ABL2: variants seen among roughly 807,000 people sequenced by gnomAD.
ABL2 encodes tyrosine-protein kinase ABL2.
In ABL2, 49 loss-of-function variants were observed where a neutral mutation model predicts 107.7. The observed-to-expected ratio is 0.45, with a 90% confidence interval of 0.36 to 0.58. The LOEUF (loss-of-function observed/expected upper bound fraction) is 0.58. ABL2 is among the 20% of genes least tolerant of loss of function. The probability of loss-of-function intolerance (pLI) is 0.00; values close to 1 mark genes in which losing one functional copy is unlikely to be tolerated. For missense variants in ABL2, 1,245 were observed against 1,457.0 expected (o/e 0.85, Z 2.37); for synonymous variants, 549 against 548.6 (o/e 1.00, Z -0.01).
intron 1 of ABL2, among the ~76,000 whole-genome samples, chr1:179,148,717 T>C (rs1658175602): frequency 6.6e-6 from 1 of 152,008 alleles, no homozygotes; most frequent in Non-Finnish European, 1.5e-5. Context: ...CTCGCCAACA[T>C]GGTGAAACCC....
intron 1 of ABL2, among the ~76,000 whole-genome samples, chr1:179,158,842 T>C (rs1658868312): frequency 6.6e-6 from 1 of 152,220 alleles, no homozygotes; most frequent in African/African-American, 2.4e-5. Flanking sequence ...TGGAAATCAA[T>C]ATATAATACA....
At chr1:179,202,903 A>G (rs28991604) in intron 1 of ABL2, among the ~76,000 whole-genome samples, 3 of 152,350 alleles carry the variant, frequency 2.0e-5, no homozygotes, top group Non-Finnish European at 4.4e-5. Context: ...TTCTCCTTCA[A>G]TTTAAGATCT....
chr1:179,113,315 A>T (rs1654287498), intron 9 of ABL2, among the ~76,000 whole-genome samples: 1 of 152,252 alleles, frequency 6.6e-6, no homozygotes, highest in Non-Finnish European at 1.5e-5. Flanking sequence ...GAAAATGGCA[A>T]GTTTTCTTCC....
rs116337633 is a variant in ABL2 at position 179,156,577 on chromosome 1, T to G, written c.158-23203A>C. ...GAAATTTTTCATTACATACCTTAGTTAATAAAACTTTACTAGGCCTGGCAT... is the reference window on the plus strand; with the variant it reads ...GAAATTTTTCATTACATACCTTAGTGAATAAAACTTTACTAGGCCTGGCAT... On this transcript the variant is annotated intron_variant, in intron 1 of 11. Transcript: ENST00000502732. Among the ~76,000 whole-genome samples, 338 of 152,234 alleles carry G rather than the reference T, an allele frequency of 2.2e-3. 3 individuals are homozygous for G. The highest frequency in any genetic ancestry group is 7.5e-3 in the African/African-American group (312 of 41,532).
intron 1 of ABL2, among the ~76,000 whole-genome samples, chr1:179,216,751 A>G (rs1662585183): frequency 6.6e-6 from 1 of 151,126 alleles, no homozygotes; most frequent in African/African-American, 2.4e-5. Flanking sequence ...CAGTGGCGTG[A>G]TCTGGGCCTG....
intron 1 of ABL2, among the ~76,000 whole-genome samples, chr1:179,136,747 T>C (rs1385974226): frequency 7.3e-5 from 10 of 137,630 alleles, no homozygotes; most frequent in Admixed American, 6.0e-4. Context: ...TAAATAAAAA[T>C]AAAAATAAAA....
Position 179,108,772 on chromosome 1 carries a change from A to C in ABL2, c.2495T>G (p.Met832Arg). 6.2e-7 allele frequency: 1 copy of C among 1,614,124 alleles called. No homozygotes were observed. Residue 832 changes from methionine to arginine, a missense_variant, in exon 12 of 12, where the codon ATG becomes AGG. Met to Arg is a moderately conservative substitution (Grantham distance 91). Coordinates refer to ENST00000502732, the MANE Select transcript of ABL2 (RefSeq NM_007314.4). ...ACTTTCCTCTGATTTTTTTGGAAGC[A>C]TGTCATTGGCCCTGTCCACATTCTC... ...PEENVDRAND[M>R]LPKKSEESAA...
rs368346174 is a variant in ABL2 at position 179,110,310 on chromosome 1, T to C, written c.1797A>G (p.Thr599=). The C allele has an allele frequency of 1.4e-5, 23 of 1,614,174 alleles. No individual in the cohort carries two copies. The highest frequency in any genetic ancestry group is 1.0e-5 in the Non-Finnish European group (12 of 1,180,026). The change falls in exon 11 of 12, where the codon ACA becomes ACG. Residue 599 remains threonine (T), a synonymous_variant. Coordinates refer to ENST00000502732, the MANE Select transcript of ABL2 (RefSeq NM_007314.4). Reference sequence around the variant, plus strand: ...GTGCTAAACTGGAAGCAGAATTTTCTGTGGCATCTTGTGCCCCTTCAATGT... The same window carrying C: ...GTGCTAAACTGGAAGCAGAATTTTCCGTGGCATCTTGTGCCCCTTCAATGT... The part of the protein sequence containing the change: ...KENIEGAQDA[T]ENSASSLAPG...
intron 1 of ABL2, among the ~76,000 whole-genome samples, chr1:179,174,823 A>G (rs1164778047): frequency 6.9e-6 from 1 of 145,006 alleles, no homozygotes; most frequent in African/African-American, 2.5e-5. Flanking sequence ...TGAACCTGGG[A>G]GGTGGAGGTT....
chr1:179,132,778 G>A (rs1469915721), intron 2 of ABL2, among the ~76,000 whole-genome samples: 6 of 151,834 alleles, frequency 4.0e-5, no homozygotes, highest in African/African-American at 1.5e-4. Context: ...CTGACCTCAG[G>A]TGATCCACCC....
chr1:179,118,842 G>C (rs1000201317), intron 6 of ABL2, 78 bp from the exon 7 acceptor site: 14 of 1,492,676 alleles, frequency 9.4e-6, no homozygotes, highest in African/African-American at 8.4e-5. Flanking sequence ...AGAATAATTT[G>C]ACAATTTTTC....
intron 1 of ABL2, chr1:179,201,781 G>C (rs1386804750): frequency 6.7e-6 from 6 of 895,696 alleles, no homozygotes; most frequent in Non-Finnish European, 6.9e-6. Context: ...TATATCCACA[G>C]AATCGGTTGA....
At chr1:179,121,471 G>T in intron 5 of ABL2, 124 bp downstream of exon 5, 3 of 1,259,494 alleles carry the variant, frequency 2.4e-6, no homozygotes, top group Non-Finnish European at 3.3e-6. Context: ...ATCTCAATTT[G>T]CTGATGTGCT....
In ABL2 at chr1:179,108,503, C is replaced by T. The variant is rs750153761; in HGVS notation, c.2764G>A (p.Val922Ile). 19 of 1,614,018 alleles carry T rather than the reference C, an allele frequency of 1.2e-5. No homozygotes were observed. Among genetic ancestry groups the T allele is most frequent in the Admixed American group, 6.7e-5 (4 of 60,004 alleles). Residue 922 changes from valine to isoleucine, a missense_variant, in exon 12 of 12, where the codon GTC (valine) becomes ATC (isoleucine). Val to Ile is a conservative substitution (Grantham distance 29, BLOSUM62 3). This residue lies in a region of ABL2 where 761 missense variants were observed against 766.4 expected (regional missense o/e 0.99). Coordinates refer to ENST00000502732, the MANE Select transcript of ABL2 (RefSeq NM_007314.4). ...TTGTGGTTGTGAGTGGTTGGGAGGA[C>T]GGGGGCAGCCTTGGCTGGAGAAGGC... Reference protein sequence around the residue: ...GWPSPAKAAPVLPTTHNHKVP... With the variant: ...GWPSPAKAAPILPTTHNHKVP...
intron 1 of ABL2, chr1:179,201,656 C>T (rs1357903979): frequency 1.6e-5 from 8 of 513,130 alleles, no homozygotes; most frequent in African/African-American, 1.2e-4. Flanking sequence ...TTCGGGATAG[C>T]GTGTCCTCTT....
intron 1 of ABL2, among the ~76,000 whole-genome samples, chr1:179,174,912 AATAAAAAAAAT>A (rs1659954155): frequency 2.7e-5 from 3 of 109,776 alleles, no homozygotes; most frequent in Admixed American, 1.9e-4. Context: ...AAAAAAATAA[AATAAAAAAAAT>A]AATAATAATA....
chr1:179,131,285 G>A (rs759398428), intron 3 of ABL2, 26 bp downstream of exon 3: 1 of 1,602,770 alleles, frequency 6.2e-7, no homozygotes, highest in Non-Finnish European at 8.5e-7. Context: ...ACTGAAAAGT[G>A]AAAGGATGCT....
chr1:179,207,763 A>C (rs146908174), intron 1 of ABL2, among the ~76,000 whole-genome samples: 2 of 152,296 alleles, frequency 1.3e-5, no homozygotes, highest in Admixed American at 1.3e-4. Flanking sequence ...ATGTCAAGCT[A>C]CCAAAATCAG....
At chr1:179,141,568 A>G (rs1005391422) in intron 1 of ABL2, among the ~76,000 whole-genome samples, 9 of 152,202 alleles carry the variant, frequency 5.9e-5, no homozygotes, top group African/African-American at 2.2e-4. Flanking sequence ...GGATAAAAGT[A>G]ATTTTTGAGG....
Sources: gnomAD v4.1 joint callset for allele counts (sites outside exome capture counted in the v4.1 genomes callset) on GRCh38, gnomAD v4.1.1 for gene constraint, gnomAD v4.1.1 regional missense constraint, MANE v1.5 for transcripts, NCBI Gene and HGNC (gene_info 2026-07-23, HGNC 2026-07-21) for gene names.